DMD: variants seen among roughly 807,000 people sequenced by gnomAD.
The protein encoded by DMD is dystrophin.
DMD carries 63 observed loss-of-function variants against 330.1 expected under a neutral mutation model. That is an observed-to-expected ratio of 0.19 (90% CI 0.16 to 0.24). The LOEUF (loss-of-function observed/expected upper bound fraction) is 0.24, where lower values mean the gene tolerates loss of function less well. Among genes scored for constraint, DMD ranks in the 10% least tolerant of loss-of-function variants. The pLI is 1.00. For synonymous variants in DMD, 1,223 were observed against 959.8 expected (o/e 1.27, Z -5.07); for missense variants, 3,344 against 2,684.1 (o/e 1.25, Z -5.43).
intron 44 of DMD, among the ~76,000 whole-genome samples, chrX:31,974,285 G>A (rs986173097): frequency 3.1e-4 from 34 of 110,531 alleles, no homozygotes; most frequent in African/African-American, 1.1e-3. Context: ...GGGAGGGTGC[G>A]CATTGGTTGA....
intron 43 of DMD, among the ~76,000 whole-genome samples, chrX:32,287,135 T>A (rs1047128131): frequency 9.0e-6 from 1 of 111,606 alleles, no homozygotes; most frequent in East Asian, 2.8e-4. Context: ...TGAAAATCAA[T>A]TTTTTTATTG....
chrX:31,462,837 T>C (rs1367038892), intron 59 of DMD, among the ~76,000 whole-genome samples: 2 of 111,467 alleles, frequency 1.8e-5, no homozygotes, highest in African/African-American at 3.3e-5. Context: ...CTGCAAAAGA[T>C]AAATTTGAAA....
chrX:31,635,648 T>C (rs918207556), intron 54 of DMD, among the ~76,000 whole-genome samples: 1 of 111,790 alleles, frequency 8.9e-6, no homozygotes, highest in Non-Finnish European at 1.9e-5. Flanking sequence ...TCAGTGGAAT[T>C]TGGAAATACG....
chrX:32,667,838 C>T (rs1340037324), intron 9 of DMD, among the ~76,000 whole-genome samples: 1 of 102,897 alleles, frequency 9.7e-6, no homozygotes, highest in Non-Finnish European at 1.9e-5. Context: ...TCTTGATGAG[C>T]TACTTAAAAA....
At chrX:32,715,485 AAAAAAAAAAAG>A (rs2065618299) in intron 7 of DMD, among the ~76,000 whole-genome samples, 1 of 104,900 alleles carries the variant, frequency 9.5e-6, no homozygotes, top group African/African-American at 3.5e-5. Flanking sequence ...AAAAAAAAAA[AAAAAAAAAAAG>A]GAGATCTTGA....
At chrX:32,911,674 C>T (rs924285145) in intron 2 of DMD, among the ~76,000 whole-genome samples, 12 of 111,337 alleles carry the variant, frequency 1.1e-4, no homozygotes, top group African/African-American at 3.3e-4. Flanking sequence ...ATTTTATACT[C>T]AACAGAGTAG....
At chrX:32,054,678 T>C (rs1380799497) in intron 44 of DMD, among the ~76,000 whole-genome samples, 1 of 108,986 alleles carries the variant, frequency 9.2e-6, no homozygotes, top group African/African-American at 3.3e-5. Flanking sequence ...ATACAGGACA[T>C]TGCTGATACT....
At chrX:32,592,004 C>G (rs771474576) in intron 13 of DMD, among the ~76,000 whole-genome samples, 1 of 112,421 alleles carries the variant, frequency 8.9e-6, no homozygotes, top group Non-Finnish European at 1.9e-5. Flanking sequence ...TTGCGCCCGT[C>G]TGGACTTTGG....
At chrX:32,442,460 A>G (rs2098285032) in intron 27 of DMD, among the ~76,000 whole-genome samples, 1 of 111,515 alleles carries the variant, frequency 9.0e-6, no homozygotes, top group African/African-American at 3.2e-5. Context: ...ACAATGAGAT[A>G]CCATGTTGAT....
intron 48 of DMD, among the ~76,000 whole-genome samples, chrX:31,871,635 G>T (rs754346492): frequency 6.9e-4 from 76 of 110,373 alleles, no homozygotes; most frequent in African/African-American, 2.3e-3. Flanking sequence ...AGGATTTGGA[G>T]CTAGGGGCGT....
intron 1 of DMD, among the ~76,000 whole-genome samples, chrX:33,235,010 C>G (rs2148884926): frequency 8.9e-6 from 1 of 111,990 alleles, no homozygotes; most frequent in South Asian, 3.7e-4. Flanking sequence ...AGGCTCTCCT[C>G]CTGTTACTAC....
intron 7 of DMD, among the ~76,000 whole-genome samples, chrX:32,738,026 T>C (rs143399893): frequency 8.6e-4 from 96 of 111,766 alleles, no homozygotes; most frequent in Middle Eastern, 9.2e-3. Context: ...ATTGGGTCTA[T>C]AGAAGCAAAA....
At chrX:32,265,349 C>G (rs1178160049) in intron 43 of DMD, among the ~76,000 whole-genome samples, 1 of 112,600 alleles carries the variant, frequency 8.9e-6, no homozygotes, top group Admixed American at 9.3e-5. Context: ...AAGAACTGAG[C>G]TTTGGGAACT....
Position 31,617,534 on chromosome X carries a change from C to CAAAAAA in DMD, c.8217+10133_8217+10138dup, listed in dbSNP as rs749572753. Among the ~76,000 whole-genome samples, 52 of 32,046 alleles carry CAAAAAA rather than the reference C, an allele frequency of 1.6e-3. 3 individuals carry two copies. Among genetic ancestry groups the CAAAAAA allele is most frequent in the Admixed American group, 2.2e-3 (4 of 1,833 alleles). 27.8% of individuals were successfully genotyped at this position (32,046 alleles called of 115,157 possible). ...GGGGGACAAGAGCGAGACTTCGTCTCAAAAAAAAAAAAAAAAAAAAAAAAA... is the reference window on the plus strand; with the variant it reads ...GGGGGACAAGAGCGAGACTTCGTCTCAAAAAAAAAAAAAAAAAAAAAAAAAAAAAAA... On this transcript the variant is annotated intron_variant, in intron 55 of 78. Transcript: ENST00000357033.
chrX:31,313,536 T>C (rs1200208143), intron 62 of DMD, among the ~76,000 whole-genome samples: 2 of 112,152 alleles, frequency 1.8e-5, no homozygotes, highest in Non-Finnish European at 3.8e-5. Context: ...TTTATTTTTA[T>C]TCGTATAAAT....
chrX:33,165,572 T>A (rs1341125989), intron 1 of DMD, among the ~76,000 whole-genome samples: 2 of 110,825 alleles, frequency 1.8e-5, no homozygotes, highest in East Asian at 5.6e-4. Context: ...TACAGGAGAA[T>A]AGCCAGTATG....
chrX:32,615,908 T>G (rs2057526117), intron 11 of DMD, among the ~76,000 whole-genome samples: 1 of 111,728 alleles, frequency 9.0e-6, no homozygotes, highest in Admixed American at 9.5e-5. Context: ...TAAACTATTT[T>G]TTGTATTTCA....
At chrX:32,132,973 T>C (rs997417767) in intron 44 of DMD, among the ~76,000 whole-genome samples, 2 of 104,046 alleles carry the variant, frequency 1.9e-5, no homozygotes, top group Non-Finnish European at 3.9e-5. Context: ...TCCCATCTCA[T>C]TGATCACTCC....
chrX:31,237,379 C>G (rs978555835), intron 63 of DMD, among the ~76,000 whole-genome samples: 1 of 112,606 alleles, frequency 8.9e-6, no homozygotes, highest in Non-Finnish European at 1.9e-5. Flanking sequence ...TGGTATGACT[C>G]AAATTGCCCA....
Sources: allele counts gnomAD v4.1 joint callset (sites outside exome capture counted in the v4.1 genomes callset), GRCh38; gene constraint gnomAD v4.1.1; transcripts MANE v1.5; gene names NCBI Gene and HGNC (gene_info 2026-07-23, HGNC 2026-07-21).